Variants in LRRK2 observed in about 807,000 individuals in gnomAD.
The protein encoded by LRRK2 is leucine-rich repeat serine/threonine-protein kinase 2.
Under a neutral mutation model 302.6 loss-of-function variants are expected in LRRK2, and 203 were observed. The ratio of observed to expected loss-of-function variants is 0.67; its 90% CI spans 0.60 to 0.75. The LOEUF (loss-of-function observed/expected upper bound fraction) is 0.75, where lower values mean the gene tolerates loss of function less well. LRRK2 is among the 30% of genes least tolerant of loss of function. The pLI is 0.00. For missense variants in LRRK2, 2,830 were observed against 2,951.0 expected, an observed-to-expected ratio of 0.96 and a Z score of 0.95; for synonymous variants, 1,066 against 1,031.9, an observed-to-expected ratio of 1.03 and a Z score of -0.63.
intron 47 of LRRK2, among the ~76,000 whole-genome samples, chr12:40,360,844 G>A (rs1190732110): frequency 6.8e-6 from 1 of 147,916 alleles, no homozygotes; most frequent in African/African-American, 2.5e-5. Context: ...TTTGAATGTG[G>A]TCTTCTCCTT....
In LRRK2 at chr12:40,364,846, G is replaced by A. The variant is rs201139905; in HGVS notation, c.7186G>A (p.Val2396Ile). Residue 2396 changes from valine to isoleucine, a missense_variant, in exon 49 of 51, where the codon GTA (valine) becomes ATA (isoleucine). Val to Ile is a conservative substitution (Grantham distance 29). Around this residue, in one of 3 missense-constraint regions of LRRK2, gnomAD observed 456 missense variants for 456.3 expected, o/e 1.00. Coordinates refer to ENST00000298910, the MANE Select transcript of LRRK2 (RefSeq NM_198578.4). ...LIDCVHFLRE[V>I]MVKENKESKH... ...ATGTATACTTTATGGTTCTAGGGAGGTAATGGTAAAAGAAAACAAGGAATC... is the reference window on the plus strand; with the variant it reads ...ATGTATACTTTATGGTTCTAGGGAGATAATGGTAAAAGAAAACAAGGAATC... The A allele has an allele frequency of 1.4e-5, 23 of 1,607,936 alleles. No individual in the cohort carries two copies. In the East Asian group the frequency reaches 3.6e-4, roughly 25 times the overall value.
chr12:40,300,527 T>G (rs1944584151), intron 25 of LRRK2, among the ~76,000 whole-genome samples: 2 of 152,156 alleles, frequency 1.3e-5, no homozygotes, highest in African/African-American at 4.8e-5. Flanking sequence ...GTATTTTAAT[T>G]TGTCAGAGCT....
intron 3 of LRRK2, among the ~76,000 whole-genome samples, chr12:40,234,152 T>C (rs1175823117): frequency 6.6e-6 from 1 of 152,182 alleles, no homozygotes; most frequent in Non-Finnish European, 1.5e-5. Flanking sequence ...AATCGAAGAC[T>C]GGCTTCATTC....
In LRRK2 at chr12:40,308,618, A is replaced by G. The variant is rs17466213; in HGVS notation, c.4111A>G (p.Ile1371Val). ...DLGMQSATVG[I>V]DVKDWPIQIR... Reference sequence around the variant, plus strand: ...TGGAATGCAAAGTGCCACAGTTGGCATAGATGTGAAAGACTGGCCTATCCA... The same window carrying G: ...TGGAATGCAAAGTGCCACAGTTGGCGTAGATGTGAAAGACTGGCCTATCCA... Residue 1371 changes from isoleucine (I) to valine (V), a missense_variant, in exon 29 of 51, where the codon ATA (isoleucine) becomes GTA (valine). By Grantham distance (29) the Ile-to-Val change is conservative. This residue lies in a region of LRRK2 where 2,121 missense variants were observed against 2,148.0 expected (regional missense o/e 0.99). Coordinates refer to ENST00000298910, the MANE Select transcript of LRRK2 (RefSeq NM_198578.4). 1,304 of 1,614,078 alleles carry G rather than the reference A, an allele frequency of 8.1e-4. 5 individuals carry two copies. Among genetic ancestry groups the G allele is most frequent in the South Asian group, 4.1e-3 (376 of 91,078 alleles).
At chr12:40,240,754 A>G in intron 6 of LRRK2, 137 bp downstream of exon 6, 1 of 909,986 alleles carries the variant, frequency 1.1e-6, no homozygotes, top group Non-Finnish European at 1.7e-6. Context: ...TATTCATTTA[A>G]TTAATTTACA....
Position 40,308,969 on chromosome 12 carries a change from C to A in LRRK2, c.4190-137C>A, listed in dbSNP as rs11175963. 22 of 1,064,284 alleles carry A rather than the reference C, an allele frequency of 2.1e-5. No individual in the cohort carries two copies. The East Asian group carries it at 5.7e-4, about 27-fold the overall frequency. 65.9% of individuals were successfully genotyped at this position (1,064,284 alleles called of 1,614,324 possible). A position where few individuals can be genotyped will look rare whatever the true frequency, so the allele number is the denominator to read the frequency against. ...CCTAGTAAAAACCCAGAATAGTTCT[C>A]TAAACATGGTCTGTTGTTTTTCTCT... On this transcript the variant is annotated intron_variant, in intron 29 of 50. Transcript: ENST00000298910.
intron 13 of LRRK2, among the ~76,000 whole-genome samples, chr12:40,263,226 C>CAGCTACAG (rs1445069890): frequency 6.6e-6 from 1 of 152,054 alleles, no homozygotes; most frequent in East Asian, 1.9e-4. Flanking sequence ...TAGCATAGTT[C>CAGCTACAG]AGCTACAGTG....
rs746566936 is a variant in LRRK2 at position 40,274,940 on chromosome 12, A to T, written c.1888A>T (p.Ile630Phe). The T allele has an allele frequency of 1.4e-5, 23 of 1,613,898 alleles. 1 individual carries two copies. Among genetic ancestry groups the T allele is most frequent in the Non-Finnish European group, 1.7e-5 (20 of 1,179,952 alleles). Residue 630 changes from isoleucine to phenylalanine, a missense_variant, in exon 16 of 51, where the codon ATT (isoleucine) becomes TTT (phenylalanine). This residue lies in a region of LRRK2 where 2,121 missense variants were observed against 2,148.0 expected (regional missense o/e 0.99). Transcript: ENST00000298910. ...AGGAACTGGACATCTGCTGGCAAAA[A>T]TTCTGGTTTCCAGCTTATACCGATT... ...FIGTGHLLAKILVSSLYRFKD... is the reference protein window; with the variant it reads ...FIGTGHLLAKFLVSSLYRFKD...
chr12:40,355,732 C>T (rs771387462), intron 45 of LRRK2, among the ~76,000 whole-genome samples: 49 of 151,940 alleles, frequency 3.2e-4, no homozygotes, highest in Admixed American at 5.9e-4. Flanking sequence ...TTAGTAGAAA[C>T]GGGATTTCAC....
intron 39 of LRRK2, among the ~76,000 whole-genome samples, chr12:40,329,747 A>G (rs1039373418): frequency 6.6e-6 from 1 of 152,070 alleles, no homozygotes; most frequent in East Asian, 1.9e-4. Context: ...TTAAAAAAAA[A>G]TTTGTTTTTA....
At chr12:40,254,092 A>G (rs1942397241) in intron 11 of LRRK2, among the ~76,000 whole-genome samples, 1 of 152,182 alleles carries the variant, frequency 6.6e-6, no homozygotes, top group South Asian at 2.1e-4. Flanking sequence ...TTCTTCCCCC[A>G]TAAACAGGAA....
chr12:40,289,819 C>T (rs1304076125), intron 20 of LRRK2, among the ~76,000 whole-genome samples: 1 of 151,776 alleles, frequency 6.6e-6, no homozygotes, highest in Non-Finnish European at 1.5e-5. Flanking sequence ...CTTACGTGTT[C>T]CAGTACCTTA....
chr12:40,265,184 A>C (rs999175814), intron 14 of LRRK2, among the ~76,000 whole-genome samples: 34 of 152,182 alleles, frequency 2.2e-4, no homozygotes, highest in African/African-American at 8.0e-4. Context: ...TAATGGGTTA[A>C]ATTTATCTTG....
chr12:40,240,392 C>A, intron 5 of LRRK2, 91 bp from the exon 6 acceptor site: 2 of 1,180,718 alleles, frequency 1.7e-6, no homozygotes, highest in Non-Finnish European at 2.5e-6. Flanking sequence ...TGATGTATCT[C>A]ACACAACTAT....
intron 2 of LRRK2, among the ~76,000 whole-genome samples, chr12:40,227,156 GTTT>G (rs1210277064): frequency 6.6e-6 from 1 of 152,070 alleles, no homozygotes; most frequent in Non-Finnish European, 1.5e-5. Context: ...ATAAGGAAGA[GTTT>G]TTTTAAAAGT....
rs1946784096 is a variant in LRRK2, at chr12:40,363,616, A to G, written c.7181+62A>G. ...ATTATCTTTGCACTTCATGTGTCAC[A>G]GAGGAAGGATTTTTCTTCCTTTCTG... On this transcript the variant is annotated intron_variant, in intron 48 of 50. Coordinates refer to ENST00000298910, the MANE Select transcript of LRRK2 (RefSeq NM_198578.4). The G allele has an allele frequency of 3.8e-6, 6 of 1,567,600 alleles. No homozygotes were observed. In the Admixed American group the frequency reaches 8.7e-5, roughly 23 times the overall value.
intron 2 of LRRK2, among the ~76,000 whole-genome samples, chr12:40,231,390 C>CAAAA (rs10631840): frequency 0.14 from 14,969 of 106,450 alleles, 1,662 homozygotes; most frequent in East Asian, 0.34. Context: ...CCTGTCTTCA[C>CAAAA]AAAAAAAAAA....
At chr12:40,356,701 C>G (rs1351108610) in intron 46 of LRRK2, among the ~76,000 whole-genome samples, 1 of 152,130 alleles carries the variant, frequency 6.6e-6, no homozygotes, top group East Asian at 1.9e-4. Context: ...AGCTTATTAT[C>G]TGATGAGAGA....
At chr12:40,241,942 A>G (rs1210001457) in intron 6 of LRRK2, among the ~76,000 whole-genome samples, 1 of 152,186 alleles carries the variant, frequency 6.6e-6, no homozygotes, top group Admixed American at 6.6e-5. Context: ...CTGAGACATC[A>G]CTGCCAACAA....
Sources: gnomAD v4.1 joint callset for allele counts (sites outside exome capture counted in the v4.1 genomes callset) on GRCh38, gnomAD v4.1.1 for gene constraint, gnomAD v4.1.1 regional missense constraint, MANE v1.5 for transcripts, NCBI Gene and HGNC (gene_info 2026-07-23, HGNC 2026-07-21) for gene names.